Variants in SORCS3 observed in about 807,000 individuals in gnomAD.
SORCS3 encodes the protein VPS10 domain-containing receptor SorCS3.
SORCS3 carries 57 observed loss-of-function variants against 146.3 expected under a neutral mutation model. That is an observed-to-expected ratio of 0.39 (90% CI 0.31 to 0.49). The LOEUF (loss-of-function observed/expected upper bound fraction) is 0.49, where lower values mean the gene tolerates loss of function less well. Among genes scored for constraint, SORCS3 ranks in the 20% least tolerant of loss-of-function variants. The pLI is 0.92. For synonymous variants in SORCS3, 653 were observed against 618.5 expected (o/e 1.06, Z -0.83); for missense variants, 1,341 against 1,575.5 (o/e 0.85, Z 2.52).
intron 17 of SORCS3, among the ~76,000 whole-genome samples, chr10:105,211,547 A>G (rs907561905): frequency 1.3e-5 from 2 of 152,184 alleles, no homozygotes; most frequent in South Asian, 2.1e-4. Context: ...ATTCCTTGAC[A>G]CTCAAGTGAA....
chr10:104,951,093 T>C (rs891829024), intron 3 of SORCS3, among the ~76,000 whole-genome samples: 3 of 152,224 alleles, frequency 2.0e-5, no homozygotes, highest in African/African-American at 4.8e-5. Flanking sequence ...TTTTACTATT[T>C]ATGGATAATT....
chr10:105,217,072 C>A lies in SORCS3; in HGVS notation c.2684C>A (p.Ala895Glu). Residue 895 changes from alanine to glutamate, a missense_variant, in exon 19 of 27, where the codon GCA becomes GAA. Ala to Glu is a moderately radical substitution (Grantham distance 107). Coordinates refer to ENST00000369701, the MANE Select transcript of SORCS3 (RefSeq NM_014978.3). ...SAGIFQVTAYAENNLGSDTAV... is the reference protein window; with the variant it reads ...SAGIFQVTAYEENNLGSDTAV... ...GGGATCTTCCAGGTGACAGCCTATG[C>A]AGAGAACAACCTTGGCTCAGACACA... 1 of 1,614,016 alleles carries A rather than the reference C, an allele frequency of 6.2e-7. No individual in the cohort carries two copies. Among genetic ancestry groups the A allele is most frequent in the East Asian group, 2.2e-5 (1 of 44,884 alleles).
intron 6 of SORCS3, among the ~76,000 whole-genome samples, chr10:105,100,144 G>A (rs935557615): frequency 3.3e-5 from 5 of 152,148 alleles, no homozygotes; most frequent in Admixed American, 2.6e-4. Context: ...AAATAGGGGT[G>A]CATATTTCCA....
intron 14 of SORCS3, among the ~76,000 whole-genome samples, chr10:105,191,810 T>C (rs114082938): frequency 5.3e-5 from 8 of 152,174 alleles, no homozygotes; most frequent in African/African-American, 1.9e-4. Context: ...ATACCACAGC[T>C]GACCTGACAG....
At chr10:104,691,344 G>T (rs1321943642) in intron 1 of SORCS3, among the ~76,000 whole-genome samples, 2 of 152,130 alleles carry the variant, frequency 1.3e-5, no homozygotes, top group Admixed American at 6.5e-5. Context: ...TGTTTGTGTG[G>T]GTTTAGAAAA....
rs187513509 is a variant in SORCS3 at position 104,730,153 on chromosome 10, G to A, written c.627+88199G>A. 1.4e-3 allele frequency among the ~76,000 whole-genome samples: 219 copies of A among 152,340 alleles called. 3 individuals are homozygous for A. Among genetic ancestry groups the A allele is most frequent in the Admixed American group, 6.8e-3 (104 of 15,298 alleles). Reference sequence around the variant, plus strand: ...GCAGTCTGGAGAAGAGTGGACGTCAGAGCATGTGAGATGTATGCATATACT... The same window carrying A: ...GCAGTCTGGAGAAGAGTGGACGTCAAAGCATGTGAGATGTATGCATATACT... On this transcript the variant is annotated intron_variant, in intron 1 of 26. Transcript: ENST00000369701.
intron 1 of SORCS3, among the ~76,000 whole-genome samples, chr10:104,690,452 A>G (rs2016098339): frequency 6.6e-6 from 1 of 152,194 alleles, no homozygotes; most frequent in Admixed American, 6.5e-5. Flanking sequence ...GAGGAGACCA[A>G]GGCTCATGGA....
At chr10:105,079,761 C>T (rs12770218) in intron 5 of SORCS3, among the ~76,000 whole-genome samples, 19,214 of 152,032 alleles carry the variant, frequency 0.13, 1,622 homozygotes, top group Middle Eastern at 0.18. Flanking sequence ...GTTTGTTGTT[C>T]CCCTCTTTGT....
intron 22 of SORCS3, among the ~76,000 whole-genome samples, chr10:105,250,767 G>C (rs2056893707): frequency 6.6e-6 from 1 of 152,142 alleles, no homozygotes; most frequent in Non-Finnish European, 1.5e-5. Context: ...GAATGTTGAG[G>C]CATCTAGCTA....
chr10:105,033,577 A>G (rs1036953452), intron 4 of SORCS3, among the ~76,000 whole-genome samples: 3 of 152,162 alleles, frequency 2.0e-5, no homozygotes, highest in African/African-American at 7.2e-5. Context: ...ACTTGAAGAG[A>G]CAGCCTGGAG....
intron 1 of SORCS3, among the ~76,000 whole-genome samples, chr10:104,811,728 C>A (rs561792113): frequency 8.5e-5 from 13 of 152,212 alleles, no homozygotes; most frequent in Admixed American, 7.2e-4. Context: ...GCTCATTTAG[C>A]GGAGCGGTGC....
intron 9 of SORCS3, among the ~76,000 whole-genome samples, chr10:105,150,805 A>G (rs760731352): frequency 6.6e-6 from 1 of 152,174 alleles, no homozygotes; most frequent in Non-Finnish European, 1.5e-5. Context: ...GTTTGGAGAT[A>G]AAGCTCAATT....
intron 2 of SORCS3, among the ~76,000 whole-genome samples, chr10:104,874,427 T>C (rs1240765361): frequency 6.6e-6 from 1 of 152,194 alleles, no homozygotes; most frequent in African/African-American, 2.4e-5. Context: ...AAACATCTTA[T>C]AGGCCTTATT....
At chr10:104,973,666 T>C (rs2054875861) in intron 3 of SORCS3, among the ~76,000 whole-genome samples, 1 of 151,260 alleles carries the variant, frequency 6.6e-6, no homozygotes, top group Non-Finnish European at 1.5e-5. Flanking sequence ...TCATTAATTT[T>C]TTGAAGGGTT....
chr10:104,693,259 AATGGAAAGTGAGG>A (rs2016135567), intron 1 of SORCS3, among the ~76,000 whole-genome samples: 1 of 152,110 alleles, frequency 6.6e-6, no homozygotes, highest in South Asian at 2.1e-4. Context: ...CAGTGTATGG[AATGGAAAGTGAGG>A]ATGCCCTCAC....
intron 2 of SORCS3, among the ~76,000 whole-genome samples, chr10:104,865,790 C>A (rs1436424858): frequency 6.6e-6 from 1 of 152,180 alleles, no homozygotes; most frequent in South Asian, 2.1e-4. Flanking sequence ...AGAAGCTGAG[C>A]ACAATGCATC....
intron 14 of SORCS3, among the ~76,000 whole-genome samples, chr10:105,184,989 C>A (rs1387464785): frequency 6.6e-6 from 1 of 152,160 alleles, no homozygotes; most frequent in Non-Finnish European, 1.5e-5. Flanking sequence ...CTGCCCCTGG[C>A]AATTATCACT....
intron 7 of SORCS3, among the ~76,000 whole-genome samples, chr10:105,114,923 T>C (rs2055883268): frequency 6.6e-6 from 1 of 152,124 alleles, no homozygotes; most frequent in South Asian, 2.1e-4. Flanking sequence ...GCTGTTAGTT[T>C]TAAGAGTTCT....
rs577037335 is a variant in SORCS3 at position 104,699,855 on chromosome 10, A to G, written c.627+57901A>G. On this transcript the variant is annotated intron_variant, in intron 1 of 26. Transcript: ENST00000369701. Reference sequence around the variant, plus strand: ...TATGAATGATTCTAAAAGATGGATGATTTGCTGTTACCTGTTATGGTAACT... The same window carrying G: ...TATGAATGATTCTAAAAGATGGATGGTTTGCTGTTACCTGTTATGGTAACT... Among the ~76,000 whole-genome samples the G allele has an allele frequency of 3.9e-5, 6 of 152,260 alleles. No individual in the cohort carries two copies. The South Asian group carries it at 1.2e-3, about 32-fold the overall frequency.
Sources: gnomAD v4.1 joint callset for allele counts (sites outside exome capture counted in the v4.1 genomes callset) on GRCh38, gnomAD v4.1.1 for gene constraint, MANE v1.5 for transcripts, NCBI Gene and HGNC (gene_info 2026-07-23, HGNC 2026-07-21) for gene names.